The following RUNX3 variants were observed in gnomAD, a reference collection of about 807,000 sequenced individuals.
The protein encoded by RUNX3 is runt-related transcription factor 3.
A neutral mutation model predicts 27.7 loss-of-function variants in RUNX3; 10 were observed. The ratio of observed to expected loss-of-function variants is 0.36; its 90% CI spans 0.22 to 0.61. The LOEUF is 0.61. Ranked by LOEUF, RUNX3 falls within the 20% of genes least tolerant of loss-of-function variation. The pLI, the probability that RUNX3 is intolerant of heterozygous loss-of-function variation, is 0.72. For missense variants in RUNX3, 469 were observed against 629.5 expected (o/e 0.75, Z 2.73); for synonymous variants, 270 against 269.2 (o/e 1.00, Z -0.03).
In RUNX3 at chr1:24,910,844, A is replaced by C. The variant is rs143503767; in HGVS notation, c.545-3427T>G. On this transcript the variant is annotated intron_variant, in intron 3 of 4. Coordinates refer to ENST00000308873, the MANE Select transcript of RUNX3 (RefSeq NM_004350.3). ...GGCCCTTGGCAACAAAGGGGAAAACATGGGCTGGGGGCGAGTTTAGCTGGA... is the reference window on the plus strand; with the variant it reads ...GGCCCTTGGCAACAAAGGGGAAAACCTGGGCTGGGGGCGAGTTTAGCTGGA... Among the ~76,000 whole-genome samples, 183 of 152,292 alleles carry C rather than the reference A, an allele frequency of 1.2e-3. 2 individuals carry two copies. In the East Asian group the frequency reaches 0.031, roughly 26 times the overall value.
rs1553199953 is a variant in RUNX3 at position 24,901,043 on chromosome 1, T to TTG, written c.*1078_*1079insCA. ...TTTTTTTTTTGTTTTTTTGTTTTTT[T>TTG]TTTTTTTTTGCTCAGGACTATTTGC... On this transcript the variant is annotated 3_prime_UTR_variant, in exon 5 of 5. Transcript: ENST00000308873. 2 of 137,722 alleles carry TTG rather than the reference T, an allele frequency of 1.5e-5. No individual in the cohort carries two copies. Among genetic ancestry groups the TTG allele is most frequent in the South Asian group, 2.1e-4 (1 of 4,718 alleles). 8.5% of individuals were successfully genotyped at this position (137,722 alleles called of 1,614,324 possible). A position where few individuals can be genotyped will look rare whatever the true frequency, so the allele number is the denominator to read the frequency against.
At chr1:24,941,941 A>G (rs1295345941) in intron 2 of RUNX3, among the ~76,000 whole-genome samples, 1 of 152,214 alleles carries the variant, frequency 6.6e-6, no homozygotes, top group African/African-American at 2.4e-5. Flanking sequence ...TTCCACTGGC[A>G]GGAATGTGAC....
intron 3 of RUNX3, among the ~76,000 whole-genome samples, chr1:24,917,592 T>C (rs1415501370): frequency 6.6e-6 from 1 of 152,230 alleles, no homozygotes; most frequent in Admixed American, 6.5e-5. Flanking sequence ...TAGGTCACAC[T>C]GCAGATAACA....
rs1444254418 is a variant in RUNX3, at chr1:24,964,027, G to A, written c.58+487C>T. On this transcript the variant is annotated intron_variant, in intron 2 of 6. Coordinates refer to the RUNX3 transcript ENST00000338888. ...CCTGTGGCTTCCTTCTCCTCCCTCT[G>A]CTTCTGATACCCCAGGAGTTACACA... Among the ~76,000 whole-genome samples the A allele has an allele frequency of 5.9e-5, 9 of 152,216 alleles. No homozygotes were observed. In the South Asian group the frequency reaches 1.9e-3, roughly 32 times the overall value.
intron 2 of RUNX3, among the ~76,000 whole-genome samples, chr1:24,937,251 C>G (rs1430757005): frequency 6.6e-6 from 1 of 152,232 alleles, no homozygotes; most frequent in Non-Finnish European, 1.5e-5. Context: ...GGGCCCTGGT[C>G]TCAGAAGGGT....
rs141963968 is a variant in RUNX3, at chr1:24,951,063, G to A, written c.58+13451C>T. Among the ~76,000 whole-genome samples, 823 of 152,042 alleles carry A rather than the reference G, an allele frequency of 5.4e-3. 2 individuals carry two copies. The highest frequency in any genetic ancestry group is 0.014 in the Middle Eastern group (4 of 294). On this transcript the variant is annotated intron_variant, in intron 2 of 6. Coordinates refer to the RUNX3 transcript ENST00000338888. ...TCTACTAAAAATACAAAAATTAGCC[G>A]GTTGTGGTGGTGCGTGCCTGTAATC...
At chr1:24,920,341 G>A (rs1640974702) in intron 2 of RUNX3, among the ~76,000 whole-genome samples, 1 of 152,082 alleles carries the variant, frequency 6.6e-6, no homozygotes, top group Admixed American at 6.5e-5. Flanking sequence ...CACGGCAGCA[G>A]AGGGTTGGGA....
chr1:24,911,980 G>C (rs1044377027), intron 3 of RUNX3, among the ~76,000 whole-genome samples: 2 of 152,256 alleles, frequency 1.3e-5, no homozygotes, highest in East Asian at 3.8e-4. Context: ...CTGCCAGGGA[G>C]GGGAGAGGGG....
chr1:24,922,246 C>G lies in RUNX3; in HGVS notation c.440-2902G>C, dbSNP rs562795755. 1.1e-4 allele frequency among the ~76,000 whole-genome samples: 17 copies of G among 147,858 alleles called. 1 individual carries two copies. The highest frequency in any genetic ancestry group is 4.3e-4 in the African/African-American group (17 of 39,860). ...TATGTGCCCAGGCTGGTCTTGAACT[C>G]CTGGGCTCAAGTGATCCTCCTGCCT... On this transcript the variant is annotated intron_variant, in intron 2 of 4. Transcript: ENST00000308873.
rs991815258 is a variant in RUNX3, at chr1:24,962,407, C to A, written c.58+2107G>T. ...CTGCCAAGGGTCGGTGGGTTAGGGACCCTGTAGGGGGCAGCGTGGGGTTGG... is the reference window on the plus strand; with the variant it reads ...CTGCCAAGGGTCGGTGGGTTAGGGAACCTGTAGGGGGCAGCGTGGGGTTGG... On this transcript the variant is annotated intron_variant, in intron 2 of 6. Transcript: ENST00000338888. The surrounding 1 kb of genome is among the most constrained non-coding windows in gnomAD (Gnocchi z 4.5). Among the ~76,000 whole-genome samples, 3 of 152,156 alleles carry A rather than the reference C, an allele frequency of 2.0e-5. No individual in the cohort carries two copies. The South Asian group carries it at 6.2e-4, about 32-fold the overall frequency.
At chr1:24,939,695 C>G (rs1270624467) in intron 2 of RUNX3, among the ~76,000 whole-genome samples, 2 of 152,378 alleles carry the variant, frequency 1.3e-5, no homozygotes, top group South Asian at 2.1e-4. Flanking sequence ...GGTTTGCCCC[C>G]CTGGGGCTTC....
At chr1:24,936,131 C>G (rs376152533) in intron 2 of RUNX3, among the ~76,000 whole-genome samples, 2 of 152,220 alleles carry the variant, frequency 1.3e-5, no homozygotes, top group Non-Finnish European at 2.9e-5. Context: ...AAGGGGGCTT[C>G]TGGGAAACAT....
chr1:24,919,942 A>G (rs1310476404), intron 2 of RUNX3, among the ~76,000 whole-genome samples: 1 of 151,948 alleles, frequency 6.6e-6, no homozygotes, highest in African/African-American at 2.4e-5. Context: ...AAAACTCCAT[A>G]AACTTCGTTT....
rs1036052509 is a variant in RUNX3 at position 24,904,677 on chromosome 1, G to T, written c.704-2011C>A. Among the ~76,000 whole-genome samples, 2 of 152,158 alleles carry T rather than the reference G, an allele frequency of 1.3e-5. No individual in the cohort carries two copies. The highest frequency in any genetic ancestry group is 2.9e-5 in the Non-Finnish European group (2 of 68,004). On this transcript the variant is annotated intron_variant, in intron 4 of 4. Coordinates refer to ENST00000308873, the MANE Select transcript of RUNX3 (RefSeq NM_004350.3). This position sits in a 1 kb window ranked among gnomAD's most constrained non-coding sequence, Gnocchi z 5.7. The stretch of plus-strand genomic sequence containing the variant: ...CAAATGGGGACCGCAGGATACAACG[G>T]CAGGACTGTGCCCCTCAGAGCTCAC...
chr1:24,943,150 C>T lies in RUNX3; in HGVS notation c.59-13298G>A, dbSNP rs976008623. Among the ~76,000 whole-genome samples, 4 of 152,260 alleles carry T rather than the reference C, an allele frequency of 2.6e-5. No individual in the cohort carries two copies. The highest frequency in any genetic ancestry group is 6.5e-5 in the Admixed American group (1 of 15,294). On this transcript the variant is annotated intron_variant, in intron 2 of 6. Coordinates refer to the RUNX3 transcript ENST00000338888. The surrounding 1 kb of genome is among the most constrained non-coding windows in gnomAD (Gnocchi z 4.6). ...GCGGGACCAGCGCCGGGCAGACTGC[C>T]GGTTTTCCCAGGTGTGGGGACACCC...
rs971204415 is a variant in RUNX3, at chr1:24,929,698, G to T, written c.171C>A (p.Asp57Glu). ...RARPEVRSMV[D>E]VLADHAGELV... is the part of the protein sequence containing the mutation. ...GCTCGCCTGCGTGGTCCGCCAGCAC[G>T]TCCACCATCGAGCGCACCTCGGGCC... is the stretch of plus-strand genomic sequence containing the variant. The change falls in exon 1 of 5, where the codon GAC becomes GAA. Residue 57 changes from aspartate to glutamate, a missense_variant. Physicochemically the swap from Asp to Glu is conservative, Grantham distance 45. Around this residue, in one of 3 missense-constraint regions of RUNX3, gnomAD observed 115 missense variants for 118.0 expected, o/e 0.97. Transcript: ENST00000308873. The T allele has an allele frequency of 5.1e-6, 8 of 1,570,434 alleles. No homozygotes were observed. In the East Asian group the frequency reaches 1.5e-4, roughly 29 times the overall value.
At chr1:24,914,541 G>A (rs559567739) in intron 3 of RUNX3, among the ~76,000 whole-genome samples, 269 of 152,318 alleles carry the variant, frequency 1.8e-3, no homozygotes, top group African/African-American at 6.2e-3. Flanking sequence ...GGCTGGCCGG[G>A]GGCCAGCGGG....
At chr1:24,944,868 T>C (rs762222093) in intron 2 of RUNX3, among the ~76,000 whole-genome samples, 4 of 152,200 alleles carry the variant, frequency 2.6e-5, no homozygotes, top group Admixed American at 2.0e-4. Context: ...GGGAGACTCA[T>C]AGAGAATTTC....
chr1:24,926,091 A>G (rs1229926607), intron 2 of RUNX3, among the ~76,000 whole-genome samples: 1 of 152,098 alleles, frequency 6.6e-6, no homozygotes, highest in Non-Finnish European at 1.5e-5. Context: ...GATCGACAGC[A>G]CCTTCTGCCC....
Sources: allele counts gnomAD v4.1 joint callset (sites outside exome capture counted in the v4.1 genomes callset), GRCh38; gene constraint gnomAD v4.1.1; regional missense constraint gnomAD v4.1.1; non-coding constraint Gnocchi (gnomAD v3.1); transcripts MANE v1.5; gene names NCBI Gene and HGNC (gene_info 2026-07-23, HGNC 2026-07-21).